The following SNAPC3 variants were observed in gnomAD, a reference collection of about 807,000 sequenced individuals.
SNAPC3 encodes small nuclear RNA activating complex polypeptide 3, also known as snRNA-activating protein complex subunit 3.
In SNAPC3, 56 loss-of-function variants were observed where a neutral mutation model predicts 47.7. The observed-to-expected ratio is 1.18, with a 90% CI of 0.95 to 1.47. The LOEUF (loss-of-function observed/expected upper bound fraction) is 1.47. SNAPC3 is among the 40% of genes most tolerant of loss of function. The pLI is 0.00. For missense variants in SNAPC3, 665 were observed against 511.3 expected, an observed-to-expected ratio of 1.30 and a Z score of -2.90; for synonymous variants, 235 against 189.9, an observed-to-expected ratio of 1.24 and a Z score of -1.95.
chr9:15,449,740 T>A (rs2034255816), intron 5 of SNAPC3, among the ~76,000 whole-genome samples: 1 of 151,188 alleles, frequency 6.6e-6, no homozygotes, highest in African/African-American at 2.4e-5. Context: ...CCGGCTAATT[T>A]TTGTATTTTT....
chr9:15,446,669 G>A (rs916659220), intron 4 of SNAPC3, among the ~76,000 whole-genome samples: 1 of 140,372 alleles, frequency 7.1e-6, no homozygotes, highest in Admixed American at 6.7e-5. Context: ...AAAGGGGAGA[G>A]GGGAAGGCAT....
intron 5 of SNAPC3, among the ~76,000 whole-genome samples, chr9:15,448,290 C>T (rs1475268562): frequency 1.3e-5 from 2 of 151,964 alleles, no homozygotes; most frequent in African/African-American, 4.8e-5. Flanking sequence ...AATGATGCTT[C>T]CCAAATTAAC....
At chr9:15,465,842 T>C (rs907290792), downstream of SNAPC3, 2 of 356,344 alleles carry the variant, frequency 5.6e-6, no homozygotes, top group African/African-American at 4.2e-5. Flanking sequence ...GACCAAGCCC[T>C]TTCCATCATT....
At chr9:15,448,543 A>C (rs536096924) in intron 5 of SNAPC3, among the ~76,000 whole-genome samples, 1 of 151,960 alleles carries the variant, frequency 6.6e-6, no homozygotes, top group Non-Finnish European at 1.5e-5. Context: ...TCTTTTGTCC[A>C]TTGTAGTATG....
intron 2 of SNAPC3, among the ~76,000 whole-genome samples, chr9:15,432,187 GT>G (rs1263078738): frequency 6.6e-6 from 1 of 152,162 alleles, no homozygotes; most frequent in East Asian, 1.9e-4. Context: ...ACAAGGAAAT[GT>G]TAAAGGCTAA....
At chr9:15,466,462 G>C (rs1002274929), downstream of SNAPC3, among the ~76,000 whole-genome samples, 15 of 152,344 alleles carry the variant, frequency 9.8e-5, no homozygotes, top group African/African-American at 3.6e-4. Context: ...AAGTGTGAAT[G>C]CAAGTCATTA....
intron 3 of SNAPC3, among the ~76,000 whole-genome samples, chr9:15,439,105 G>A (rs1021701964): frequency 6.6e-6 from 1 of 152,010 alleles, no homozygotes; most frequent in African/African-American, 2.4e-5. Flanking sequence ...AACCTCCTGT[G>A]CTCAAGTTAT....
intron 3 of SNAPC3, among the ~76,000 whole-genome samples, chr9:15,434,073 G>C (rs888409473): frequency 6.2e-5 from 9 of 144,370 alleles, no homozygotes; most frequent in Non-Finnish European, 1.3e-4. Context: ...GCTAGGCACT[G>C]TGCTGGCACT....
At chr9:15,446,865 G>A (rs1159268572) in intron 4 of SNAPC3, among the ~76,000 whole-genome samples, 1 of 152,162 alleles carries the variant, frequency 6.6e-6, no homozygotes, top group Admixed American at 6.5e-5. Flanking sequence ...GGCTTGGTGT[G>A]TAATAAAGGA....
downstream of SNAPC3, chr9:15,464,142 T>A (rs2035449253): frequency 5.4e-6 from 1 of 183,522 alleles, no homozygotes; most frequent in Admixed American, 6.3e-5. Flanking sequence ...TCTAAGTAAG[T>A]TAAAACTGTA....
At chr9:15,463,807 T>A (rs1199615573), downstream of SNAPC3, 1 of 152,216 alleles carries the variant, frequency 6.6e-6, no homozygotes, top group Non-Finnish European at 1.5e-5. Context: ...AGAATGATGC[T>A]CTATCTCTAG....
intron 2 of SNAPC3, among the ~76,000 whole-genome samples, chr9:15,425,007 C>T (rs761012681): frequency 6.6e-6 from 1 of 152,170 alleles, no homozygotes. Flanking sequence ...ATCATGCTGT[C>T]GCCTGAGCAA....
intron 3 of SNAPC3, among the ~76,000 whole-genome samples, chr9:15,435,729 A>T (rs926168424): frequency 4.7e-5 from 6 of 127,148 alleles, no homozygotes; most frequent in East Asian, 2.0e-4. Context: ...AACTCTGTCT[A>T]AAAAAAAAAA....
chr9:15,454,135 C>T (rs548540084), intron 7 of SNAPC3, among the ~76,000 whole-genome samples: 20 of 151,572 alleles, frequency 1.3e-4, no homozygotes, highest in Admixed American at 1.1e-3. Context: ...CAGGTTAAAA[C>T]GTGAGGATTG....
intron 2 of SNAPC3, among the ~76,000 whole-genome samples, chr9:15,430,737 G>A (rs1348078090): frequency 1.3e-5 from 2 of 152,152 alleles, no homozygotes; most frequent in Admixed American, 1.3e-4. Context: ...ACGTAGGAGA[G>A]GAGAGTGTTG....
intron 2 of SNAPC3, among the ~76,000 whole-genome samples, chr9:15,429,877 G>T (rs972533736): frequency 2.6e-5 from 4 of 151,984 alleles, no homozygotes; most frequent in Non-Finnish European, 5.9e-5. Flanking sequence ...ATTCCGAAAA[G>T]CTAAAAATAA....
chr9:15,464,323 T>G (rs1241923610), downstream of SNAPC3: 2 of 193,460 alleles, frequency 1.0e-5, no homozygotes. Context: ...CTTAAGCCAT[T>G]TTTTTCCATA....
intron 3 of SNAPC3, among the ~76,000 whole-genome samples, chr9:15,439,257 C>T (rs2033106674): frequency 6.6e-6 from 1 of 152,234 alleles, no homozygotes; most frequent in African/African-American, 2.4e-5. Flanking sequence ...GCAATCTGCC[C>T]ACCTTGGTCT....
At chr9:15,429,724 AC>A (rs1563839533) in intron 2 of SNAPC3, among the ~76,000 whole-genome samples, 1 of 152,236 alleles carries the variant, frequency 6.6e-6, no homozygotes, top group Admixed American at 6.5e-5. Context: ...AGCTATTACA[AC>A]AAAATACAAA....
Sources: gnomAD v4.1 joint callset for allele counts (sites outside exome capture counted in the v4.1 genomes callset) on GRCh38, gnomAD v4.1.1 for gene constraint, MANE v1.5 for transcripts, NCBI Gene and HGNC (gene_info 2026-07-23, HGNC 2026-07-21) for gene names.